Variants in STAB2 observed in about 807,000 individuals in gnomAD.
STAB2 encodes the protein stabilin-2.
Under a neutral mutation model 338.1 loss-of-function variants are expected in STAB2, and 288 were observed. The ratio of observed to expected loss-of-function variants is 0.85; its 90% CI spans 0.77 to 0.94. The LOEUF (loss-of-function observed/expected upper bound fraction) is 0.94. Ranked by LOEUF, STAB2 falls within the 40% of genes least tolerant of loss-of-function variation. The probability of loss-of-function intolerance (pLI) is 0.00; values close to 1 mark genes in which losing one functional copy is unlikely to be tolerated. For synonymous variants in STAB2, 1,202 were observed against 1,193.3 expected (o/e 1.01, Z -0.15); for missense variants, 3,141 against 3,210.1 (o/e 0.98, Z 0.52).
chr12:103,761,500 C>A, intron 66 of STAB2, 90 bp downstream of exon 66: 2 of 1,151,610 alleles, frequency 1.7e-6, no homozygotes, highest in East Asian at 2.4e-5. Flanking sequence ...CCCTGTCCTC[C>A]TCCCTCTTCC....
intron 31 of STAB2, among the ~76,000 whole-genome samples, chr12:103,694,428 G>A (rs56959373): frequency 0.06 from 9,151 of 152,084 alleles, 908 homozygotes; most frequent in African/African-American, 0.21. Context: ...CTCCAACACA[G>A]GGGTTGGTAC....
At chr12:103,749,364 C>A (rs769987605) in intron 59 of STAB2, among the ~76,000 whole-genome samples, 18 of 152,158 alleles carry the variant, frequency 1.2e-4, no homozygotes, top group Non-Finnish European at 2.5e-4. Context: ...TGGTTAAATT[C>A]TTAAGTGTAT....
intron 30 of STAB2, 93 bp downstream of exon 30, chr12:103,690,631 C>A: frequency 9.2e-7 from 1 of 1,084,864 alleles, no homozygotes; most frequent in Non-Finnish European, 1.3e-6. Context: ...AACTTCCAAA[C>A]ATGCGCAAAA....
At chr12:103,645,546 T>C (rs1380151673) in intron 9 of STAB2, among the ~76,000 whole-genome samples, 1 of 152,232 alleles carries the variant, frequency 6.6e-6, no homozygotes, top group Admixed American at 6.5e-5. Context: ...AATGAAGGAA[T>C]GTAACTTATA....
At chr12:103,708,673 A>C (rs1879584780) in intron 39 of STAB2, 137 bp downstream of exon 39, 1 of 805,172 alleles carries the variant, frequency 1.2e-6, no homozygotes, top group Non-Finnish European at 1.9e-6. Flanking sequence ...TGCAGCAAAA[A>C]GTTTGTAAAA....
chr12:103,742,845 T>C (rs542602318), intron 56 of STAB2, among the ~76,000 whole-genome samples: 1 of 152,352 alleles, frequency 6.6e-6, no homozygotes, highest in South Asian at 2.1e-4. Flanking sequence ...AAGTCCTTAC[T>C]AATAGTGAAT....
chr12:103,732,600 G>GT (rs1208012597), intron 50 of STAB2, among the ~76,000 whole-genome samples: 8 of 152,152 alleles, frequency 5.3e-5, no homozygotes, highest in Non-Finnish European at 1.0e-4. Flanking sequence ...GAGCCCAGGA[G>GT]TTTGAGACCA....
At chr12:103,675,857 C>G in intron 23 of STAB2, 71 bp from the exon 24 acceptor site, 1 of 1,277,236 alleles carries the variant, frequency 7.8e-7, no homozygotes, top group Non-Finnish European at 1.1e-6. Context: ...TGGCTCATCT[C>G]TAGCTGGCTG....
intron 3 of STAB2, among the ~76,000 whole-genome samples, chr12:103,602,365 A>T (rs1422127212): frequency 1.3e-5 from 2 of 152,198 alleles, no homozygotes; most frequent in African/African-American, 4.8e-5. Flanking sequence ...TTAGCTATTC[A>T]CTAACTGAAA....
Position 103,695,868 on chromosome 12 carries a change from G to A in STAB2, c.3582+24G>A, listed in dbSNP as rs758128188. 7.5e-5 allele frequency: 121 copies of A among 1,603,536 alleles called. No individual in the cohort carries two copies. In the South Asian group the frequency reaches 1.2e-3, roughly 16 times the overall value. ...TAGTAAGTGTCAAGAACTATAACTA[G>A]GGAAGTTATTTTGTGAAAATTCAAA... On this transcript the variant is annotated intron_variant, in intron 33 of 68. Transcript: ENST00000388887.
At position 103,733,320 on chromosome 12, in the gene STAB2, C is replaced by G; in HGVS notation, c.5460+138C>G. 3 of 980,796 alleles carry G rather than the reference C, an allele frequency of 3.1e-6. No individual in the cohort carries two copies. In the South Asian group the frequency reaches 4.6e-5, roughly 15 times the overall value. The allele number at this position is 980,796 out of a possible 1,614,324, so 60.8% of individuals were successfully genotyped here. ...TGCAGGAAGCCACAGCATCCCCTGCCCCACTGTGTCCTCCTCTGACTGGCC... is the reference window on the plus strand; with the variant it reads ...TGCAGGAAGCCACAGCATCCCCTGCGCCACTGTGTCCTCCTCTGACTGGCC... On this transcript the variant is annotated intron_variant, in intron 51 of 68. Transcript: ENST00000388887.
chr12:103,591,114 C>G, intron 2 of STAB2, 84 bp downstream of exon 2: 1 of 1,577,788 alleles, frequency 6.3e-7, no homozygotes, highest in Non-Finnish European at 8.6e-7. Context: ...ATTTCCATGA[C>G]TTTTCTCTTG....
At chr12:103,638,342 C>G in intron 8 of STAB2, 130 bp downstream of exon 8, 1 of 1,023,530 alleles carries the variant, frequency 9.8e-7, no homozygotes. Context: ...CCCCTCCAGA[C>G]AGTCCTCCAT....
chr12:103,763,570 A>G lies in STAB2; in HGVS notation c.7567A>G (p.Thr2523Ala). The change falls in exon 68 of 69, where the codon ACC (threonine) becomes GCC (alanine). Residue 2523 changes from threonine (T) to alanine (A), a missense_variant. Coordinates refer to ENST00000388887, the MANE Select transcript of STAB2 (RefSeq NM_017564.10). The part of the protein sequence containing the change: ...NISNPLYEST[T>A]SAPPEPSYDP... ...CTCGAACCCCTTGTATGAGAGCACAACCTCAGCTCCCCCAGAACCTTCCTA... is the reference window on the plus strand; with the variant it reads ...CTCGAACCCCTTGTATGAGAGCACAGCCTCAGCTCCCCCAGAACCTTCCTA... 1.2e-6 allele frequency: 2 copies of G among 1,613,984 alleles called. No homozygotes were observed. The highest frequency in any genetic ancestry group is 1.6e-4 in the Middle Eastern group (1 of 6,062).
rs370946934 is a variant in STAB2 at position 103,592,408 on chromosome 12, T to TAC, written c.215+1390_215+1391dup. 2.4e-4 allele frequency among the ~76,000 whole-genome samples: 37 copies of TAC among 151,804 alleles called. 1 individual carries two copies. Among genetic ancestry groups the TAC allele is most frequent in the African/African-American group, 8.4e-4 (35 of 41,442 alleles). ...ACAAACACACAAGCACACACACACA[T>TAC]ACACACACACACAGGATAAAACTTT... On this transcript the variant is annotated intron_variant, in intron 2 of 68. Coordinates refer to ENST00000388887, the MANE Select transcript of STAB2 (RefSeq NM_017564.10).
rs965336231 is a variant in STAB2, at chr12:103,706,777, G to C, written c.3997-15G>C. ...GGATAGAAGTGCGTTGTCAAGCTTT[G>C]TCCTTCTGTTTCAGACGAGAGAATG... On this transcript the variant is annotated splice_polypyrimidine_tract_variant and intron_variant, in intron 37 of 68. Transcript: ENST00000388887. 4 of 1,614,080 alleles carry C rather than the reference G, an allele frequency of 2.5e-6. No individual in the cohort carries two copies. In the African/African-American group the frequency reaches 4.0e-5, roughly 16 times the overall value.
At chr12:103,599,926 G>A (rs1296348068) in intron 3 of STAB2, among the ~76,000 whole-genome samples, 1 of 152,184 alleles carries the variant, frequency 6.6e-6, no homozygotes, top group Non-Finnish European at 1.5e-5. Context: ...GTGCTGACCT[G>A]TTATACTCTG....
chr12:103,686,261 G>A (rs1305017882), intron 27 of STAB2, among the ~76,000 whole-genome samples: 3 of 152,102 alleles, frequency 2.0e-5, no homozygotes, highest in African/African-American at 4.8e-5. Context: ...CCCTTGGGGG[G>A]CCCTTTCCAC....
intron 56 of STAB2, among the ~76,000 whole-genome samples, chr12:103,744,463 T>G (rs1359716641): frequency 2.2e-4 from 1 of 4,446 alleles, no homozygotes; most frequent in South Asian, 8.6e-3. Flanking sequence ...CAATTTTACT[T>G]TTTTTTTTTT....
Sources: allele counts gnomAD v4.1 joint callset (sites outside exome capture counted in the v4.1 genomes callset), GRCh38; gene constraint gnomAD v4.1.1; transcripts MANE v1.5; gene names NCBI Gene and HGNC (gene_info 2026-07-23, HGNC 2026-07-21).